KIAA1217: variants seen among roughly 807,000 people sequenced by gnomAD.
The protein encoded by KIAA1217 is KIAA1217, also known as sickle tail protein homolog.
A neutral mutation model predicts 163.9 loss-of-function variants in KIAA1217; 88 were observed. The ratio of observed to expected loss-of-function variants is 0.54; its 90% confidence interval spans 0.45 to 0.64. The LOEUF (loss-of-function observed/expected upper bound fraction) is 0.64, where lower values mean the gene tolerates loss of function less well. Among genes scored for constraint, KIAA1217 ranks in the 30% least tolerant of loss-of-function variants. KIAA1217 has a pLI of 0.00. For missense variants in KIAA1217, 2,372 were observed against 2,475.0 expected (o/e 0.96, Z 0.88); for synonymous variants, 903 against 923.1 (o/e 0.98, Z 0.39).
intron 9 of KIAA1217, among the ~76,000 whole-genome samples, chr10:24,503,982 C>G (rs758727799): frequency 1.3e-5 from 2 of 152,218 alleles, no homozygotes; most frequent in Non-Finnish European, 2.9e-5. Context: ...AAATGCCGCA[C>G]TTCCCCTGGG....
At chr10:24,323,788 C>CGTGTGTGTGT (rs60528535) in intron 2 of KIAA1217, among the ~76,000 whole-genome samples, 1,941 of 144,250 alleles carry the variant, frequency 0.013, 69 homozygotes, top group African/African-American at 0.047. Context: ...GTTTTCTCTT[C>CGTGTGTGTGT]GTGTGTGTGT....
At chr10:23,955,969 G>A (rs571054718) in intron 1 of KIAA1217, among the ~76,000 whole-genome samples, 33 of 152,298 alleles carry the variant, frequency 2.2e-4, no homozygotes, top group African/African-American at 6.7e-4. Context: ...GGAGGGCACT[G>A]TGAAAGAGAG....
At chr10:24,346,881 G>C (rs577438357) in intron 2 of KIAA1217, among the ~76,000 whole-genome samples, 107 of 152,134 alleles carry the variant, frequency 7.0e-4, no homozygotes, top group African/African-American at 2.5e-3. Context: ...AGGTTTTGTT[G>C]GCTTTTAATC....
chr10:24,322,560 G>A (rs1167578951), intron 2 of KIAA1217, among the ~76,000 whole-genome samples: 2 of 152,164 alleles, frequency 1.3e-5, no homozygotes, highest in African/African-American at 4.8e-5. Context: ...AAATGGTTGT[G>A]CACATGGGCC....
chr10:23,918,731 T>TATAC (rs1554823737), intron 1 of KIAA1217, among the ~76,000 whole-genome samples: 1 of 137,828 alleles, frequency 7.3e-6, no homozygotes, highest in East Asian at 2.0e-4. Flanking sequence ...GAATTAAATA[T>TATAC]ATACACACAC....
intron 2 of KIAA1217, among the ~76,000 whole-genome samples, chr10:24,305,596 G>A (rs1330811997): frequency 1.3e-5 from 2 of 152,222 alleles, no homozygotes; most frequent in African/African-American, 2.4e-5. Context: ...GTGGGAATGA[G>A]CAAAGATAGT....
chr10:23,772,170 A>G (rs1007535455), intron 1 of KIAA1217, among the ~76,000 whole-genome samples: 5 of 152,238 alleles, frequency 3.3e-5, no homozygotes, highest in African/African-American at 1.2e-4. Context: ...GCTGGCTGGC[A>G]AAGCAAATAG....
chr10:23,837,702 TTTG>T (rs536523925), intron 1 of KIAA1217, among the ~76,000 whole-genome samples: 89 of 152,154 alleles, frequency 5.8e-4, no homozygotes, highest in African/African-American at 2.0e-3. Context: ...CTTGGCTAAT[TTTG>T]TTGTTGTTTA....
chr10:24,454,334 T>A (rs527285001), intron 5 of KIAA1217, among the ~76,000 whole-genome samples: 1 of 152,218 alleles, frequency 6.6e-6, no homozygotes. Flanking sequence ...ACAGAAAATA[T>A]GTTTGACTCA....
chr10:23,995,751 G>A (rs1353128738), intron 1 of KIAA1217, among the ~76,000 whole-genome samples: 4 of 152,148 alleles, frequency 2.6e-5, no homozygotes, highest in Non-Finnish European at 4.4e-5. Flanking sequence ...TATGAACCAG[G>A]TGCTGCCTGC....
chr10:23,716,168 G>A (rs1837557357), intron 1 of KIAA1217, among the ~76,000 whole-genome samples: 1 of 152,098 alleles, frequency 6.6e-6, no homozygotes, highest in Non-Finnish European at 1.5e-5. Context: ...GAACATAATA[G>A]ATGTTGTGCA....
chr10:23,780,628 CTTCT>C (rs1835214823), intron 1 of KIAA1217, among the ~76,000 whole-genome samples: 1 of 152,086 alleles, frequency 6.6e-6, no homozygotes, highest in Non-Finnish European at 1.5e-5. Flanking sequence ...ATAGCAAGAT[CTTCT>C]TTCTTAAGGT....
intron 1 of KIAA1217, among the ~76,000 whole-genome samples, chr10:23,723,662 T>G (rs1451385313): frequency 2.6e-5 from 4 of 152,192 alleles, no homozygotes; most frequent in Non-Finnish European, 5.9e-5. Flanking sequence ...AATTCTTTTA[T>G]GTTTTTCAAA....
chr10:24,201,390 C>A (rs997451280), intron 2 of KIAA1217, among the ~76,000 whole-genome samples: 2 of 152,108 alleles, frequency 1.3e-5, no homozygotes, highest in African/African-American at 2.4e-5. Flanking sequence ...ATATTTTATC[C>A]CACTCAATAT....
chr10:23,732,548 T>C (rs1167841555), intron 1 of KIAA1217, among the ~76,000 whole-genome samples: 1 of 152,184 alleles, frequency 6.6e-6, no homozygotes, highest in Non-Finnish European at 1.5e-5. Flanking sequence ...TTTTTCTTAG[T>C]CTGCCTACAG....
At chr10:24,004,441 A>G (rs778669349) in intron 1 of KIAA1217, among the ~76,000 whole-genome samples, 1 of 152,208 alleles carries the variant, frequency 6.6e-6, no homozygotes, top group Non-Finnish European at 1.5e-5. Flanking sequence ...TTTTAGTAGT[A>G]TAACTGGAAT....
intron 1 of KIAA1217, among the ~76,000 whole-genome samples, chr10:23,896,657 T>C (rs1841716247): frequency 6.6e-6 from 1 of 152,088 alleles, no homozygotes; most frequent in Non-Finnish European, 1.5e-5. Flanking sequence ...CCAGTTATTT[T>C]GAAGGAGGCA....
chr10:24,166,955 C>T (rs1476923138), intron 2 of KIAA1217, among the ~76,000 whole-genome samples: 1 of 152,104 alleles, frequency 6.6e-6, no homozygotes, highest in Non-Finnish European at 1.5e-5. Context: ...AAACACATTT[C>T]AGGTGCTGAT....
intron 2 of KIAA1217, among the ~76,000 whole-genome samples, chr10:24,269,962 C>T (rs755144567): frequency 5.4e-4 from 82 of 152,030 alleles, no homozygotes; most frequent in Non-Finnish European, 1.0e-3. Flanking sequence ...CCATCATCTG[C>T]AGCAGGCCCA....
Sources: allele counts gnomAD v4.1 joint callset (sites outside exome capture counted in the v4.1 genomes callset), GRCh38; gene constraint gnomAD v4.1.1; transcripts MANE v1.5; gene names NCBI Gene and HGNC (gene_info 2026-07-23, HGNC 2026-07-21).